The following SCN10A variants were observed in gnomAD, a reference collection of about 807,000 sequenced individuals.
SCN10A encodes sodium voltage-gated channel alpha subunit 10, also known as sodium channel protein type 10 subunit alpha.
A neutral mutation model predicts 170.7 loss-of-function variants in SCN10A; 162 were observed. The observed-to-expected ratio is 0.95, with a 90% CI of 0.84 to 1.08. SCN10A has a LOEUF of 1.08. Ranked by LOEUF, SCN10A falls within the 50% of genes least tolerant of loss-of-function variation. SCN10A has a pLI of 0.00. For missense variants in SCN10A, 2,527 were observed against 2,436.9 expected, an observed-to-expected ratio of 1.04 and a Z score of -0.78; for synonymous variants, 985 against 904.6, an observed-to-expected ratio of 1.09 and a Z score of -1.59.
intron 3 of SCN10A, among the ~76,000 whole-genome samples, chr3:38,791,360 C>T (rs2064278587): frequency 2.0e-5 from 3 of 152,204 alleles, no homozygotes; most frequent in Admixed American, 2.0e-4. Context: ...CTGAAAGCAG[C>T]TTCTGACATT....
chr3:38,761,833 TGTGTGA>T (rs1308703563), intron 6 of SCN10A, among the ~76,000 whole-genome samples: 2 of 133,968 alleles, frequency 1.5e-5, no homozygotes, highest in Non-Finnish European at 1.5e-5. Context: ...TGTGTGTGTG[TGTGTGA>T]GAGAGAGAGA....
At chr3:38,710,085 G>T (rs2063255839) in intron 24 of SCN10A, among the ~76,000 whole-genome samples, 1 of 152,188 alleles carries the variant, frequency 6.6e-6, no homozygotes, top group Non-Finnish European at 1.5e-5. Context: ...GGAAGAGGTG[G>T]CAGGGAATTG....
chr3:38,719,780 T>G (rs1488374407), intron 20 of SCN10A, among the ~76,000 whole-genome samples: 1 of 152,340 alleles, frequency 6.6e-6, no homozygotes, highest in East Asian at 1.9e-4. Flanking sequence ...TTCAGGAACC[T>G]AGCAATTCCT....
At chr3:38,790,749 G>A (rs1487975969) in intron 3 of SCN10A, among the ~76,000 whole-genome samples, 1 of 152,024 alleles carries the variant, frequency 6.6e-6, no homozygotes, top group African/African-American at 2.4e-5. Context: ...TTTACTTAAT[G>A]CCTCTGTGTG....
At chr3:38,702,482 C>T (rs1180187236) in intron 26 of SCN10A, among the ~76,000 whole-genome samples, 1 of 152,226 alleles carries the variant, frequency 6.6e-6, no homozygotes, top group African/African-American at 2.4e-5. Flanking sequence ...CAACACACTA[C>T]CCTGTCCCTT....
At position 38,726,610 on chromosome 3, in the gene SCN10A, C is replaced by G; in HGVS notation, c.3083G>C (p.Gly1028Ala). The G allele has an allele frequency of 6.3e-7, 1 of 1,582,488 alleles. No individual in the cohort carries two copies. The highest frequency in any genetic ancestry group is 8.6e-7 in the Non-Finnish European group (1 of 1,158,804). Reference sequence around the variant, plus strand: ...TCCCTTGGGGATAACTCTTACCTGTCCTTTGGGGATCACTTCCTGCTGGAA... The same window carrying G: ...TCCCTTGGGGATAACTCTTACCTGTGCTTTGGGGATCACTTCCTGCTGGAA... The part of the protein sequence containing the change: ...QSFQQEVIPK[G>A]QQEQLQQVER... Residue 1028 changes from glycine (G) to alanine (A), a missense_variant, in exon 17 of 28, where the codon GGA (glycine) becomes GCA (alanine). Physicochemically the swap from Gly to Ala is moderately conservative, Grantham distance 60. Coordinates refer to ENST00000449082, the MANE Select transcript of SCN10A (RefSeq NM_006514.4).
intron 26 of SCN10A, among the ~76,000 whole-genome samples, chr3:38,703,979 A>G (rs1343504968): frequency 1.3e-5 from 2 of 152,232 alleles, no homozygotes; most frequent in Non-Finnish European, 2.9e-5. Flanking sequence ...TGAGTTAACC[A>G]TAGCTCAAAT....
At chr3:38,710,759 T>A in intron 24 of SCN10A, 85 bp downstream of exon 24, 2 of 1,306,366 alleles carry the variant, frequency 1.5e-6, no homozygotes, top group Non-Finnish European at 2.2e-6. Context: ...AGTACCAGGG[T>A]CATCGTCACT....
At chr3:38,763,473 A>G in intron 6 of SCN10A, 32 bp downstream of exon 6, 1 of 1,544,704 alleles carries the variant, frequency 6.5e-7, no homozygotes, top group Non-Finnish European at 9.0e-7. Flanking sequence ...AGGCTGTGAA[A>G]ACCAACATAT....
chr3:38,800,800 C>T (rs550720265), intron 1 of SCN10A, among the ~76,000 whole-genome samples: 1 of 152,110 alleles, frequency 6.6e-6, no homozygotes, highest in East Asian at 1.9e-4. Context: ...AGATATTTAC[C>T]CTGTTTTTGA....
intron 3 of SCN10A, among the ~76,000 whole-genome samples, chr3:38,790,840 A>G (rs1017847908): frequency 1.3e-5 from 2 of 152,304 alleles, no homozygotes; most frequent in Non-Finnish European, 2.9e-5. Flanking sequence ...GACACTTAGG[A>G]AGTATTTAGC....
chr3:38,795,859 T>C (rs1011144917), intron 1 of SCN10A, among the ~76,000 whole-genome samples: 13 of 152,196 alleles, frequency 8.5e-5, no homozygotes, highest in Non-Finnish European at 1.9e-4. Context: ...TCACTGTACC[T>C]GTGAAGTATT....
At chr3:38,740,161 T>A (rs146410320) in intron 14 of SCN10A, among the ~76,000 whole-genome samples, 55 of 152,346 alleles carry the variant, frequency 3.6e-4, no homozygotes, top group African/African-American at 1.1e-3. Flanking sequence ...CCAATGCATG[T>A]GCAGTTCTTA....
chr3:38,739,482 A>G, intron 15 of SCN10A, 33 bp downstream of exon 15: 1 of 1,597,190 alleles, frequency 6.3e-7, no homozygotes, highest in South Asian at 1.1e-5. Context: ...TCTGGGTGGG[A>G]GTTTCCCCAA....
At chr3:38,767,856 T>C (rs1162641562) in intron 5 of SCN10A, among the ~76,000 whole-genome samples, 1 of 152,156 alleles carries the variant, frequency 6.6e-6, no homozygotes, top group African/African-American at 2.4e-5. Flanking sequence ...CCCACTATTA[T>C]TATATTGCTG....
intron 15 of SCN10A, among the ~76,000 whole-genome samples, chr3:38,738,531 C>T (rs1176265587): frequency 6.6e-6 from 1 of 152,208 alleles, no homozygotes; most frequent in Non-Finnish European, 1.5e-5. Context: ...CCTTCAACCT[C>T]TGGATGCCAA....
intron 15 of SCN10A, among the ~76,000 whole-genome samples, chr3:38,737,779 TCCCTCCC>T (rs2063581927): frequency 1.1e-5 from 1 of 95,220 alleles, no homozygotes; most frequent in African/African-American, 4.1e-5. Context: ...CCTCTCTCTC[TCCCTCCC>T]TCCCTCCCTT....
Position 38,756,806 on chromosome 3 carries a change from G to A in SCN10A, c.1158C>T (p.Phe386=). The change falls in exon 10 of 28, where the codon TTC becomes TTT. Residue 386 remains phenylalanine (F), a synonymous_variant. Coordinates refer to ENST00000449082, the MANE Select transcript of SCN10A (RefSeq NM_006514.4). ...CAGCCAAGATCAAGTTGACCAGGTA[G>A]AAAGATCCCAGGAAGATTACGAGCA... ...FFVLVIFLGS[F]YLVNLILAVV... The A allele has an allele frequency of 6.2e-7, 1 of 1,614,192 alleles. No homozygotes were observed. The highest frequency in any genetic ancestry group is 8.5e-7 in the Non-Finnish European group (1 of 1,180,032).
At chr3:38,791,347 C>T (rs2064278405) in intron 3 of SCN10A, among the ~76,000 whole-genome samples, 1 of 152,176 alleles carries the variant, frequency 6.6e-6, no homozygotes. Context: ...CTTGCAAAAT[C>T]CCCTGAAAGC....
Sources: allele counts gnomAD v4.1 joint callset (sites outside exome capture counted in the v4.1 genomes callset), GRCh38; gene constraint gnomAD v4.1.1; transcripts MANE v1.5; gene names NCBI Gene and HGNC (gene_info 2026-07-23, HGNC 2026-07-21).